Variants in ARIH1 observed in about 807,000 individuals in gnomAD.
The protein encoded by ARIH1 is ariadne RBR E3 ubiquitin protein ligase 1, also known as E3 ubiquitin-protein ligase ARIH1.
In ARIH1, 8 loss-of-function variants were observed where a neutral mutation model predicts 85.0. The ratio of observed to expected loss-of-function variants is 0.09; its 90% CI spans 0.06 to 0.17. The LOEUF (loss-of-function observed/expected upper bound fraction) is 0.17. ARIH1 is among the 10% of genes least tolerant of loss of function. The pLI, the probability that ARIH1 is intolerant of heterozygous loss-of-function variation, is 1.00. For missense variants in ARIH1, 311 were observed against 718.1 expected, an observed-to-expected ratio of 0.43 and a Z score of 6.48; for synonymous variants, 238 against 253.6, an observed-to-expected ratio of 0.94 and a Z score of 0.59.
intron 7 of ARIH1, among the ~76,000 whole-genome samples, chr15:72,563,780 A>C (rs981308051): frequency 6.6e-6 from 1 of 152,156 alleles, no homozygotes; most frequent in South Asian, 2.1e-4. Flanking sequence ...ACTGTAACTT[A>C]ATGGGAGCAA....
Position 72,474,894 on chromosome 15 carries a change from C to CGGTGGTGGT in ARIH1, c.258_266dup (p.Gly88_Gly90dup). On this transcript the variant is annotated inframe_insertion, in exon 1 of 14. Coordinates refer to ENST00000379887, the MANE Select transcript of ARIH1 (RefSeq NM_005744.5). ...GCGGTGGCGGCGGCGGCGGCGGCGGCGGTGGTGGTGGCGGGCCGGGGCATG... is the reference window on the plus strand; with the variant it reads ...GCGGTGGCGGCGGCGGCGGCGGCGGCGGTGGTGGTGGTGGTGGTGGCGGGCCGGGGCATG... 4.3e-6 allele frequency: 6 copies of CGGTGGTGGT among 1,397,950 alleles called. No individual in the cohort carries two copies. Among genetic ancestry groups the CGGTGGTGGT allele is most frequent in the Non-Finnish European group, 5.6e-6 (6 of 1,068,640 alleles). The allele number at this position is 1,397,950 out of a possible 1,614,324, so 86.6% of individuals were successfully genotyped here.
chr15:72,518,012 A>T, intron 1 of ARIH1, 55 bp from the exon 2 acceptor site: 1 of 1,357,884 alleles, frequency 7.4e-7, no homozygotes, highest in Non-Finnish European at 1.0e-6. Flanking sequence ...GAGTTCACTA[A>T]ATGTCCATGA....
At chr15:72,572,403 A>G (rs1021805427) in intron 11 of ARIH1, 1 of 316,078 alleles carries the variant, frequency 3.2e-6, no homozygotes, top group Non-Finnish European at 5.8e-6. Flanking sequence ...ACACCCTGCT[A>G]ATTTTTGTAT....
rs149530145 is a variant in ARIH1 at position 72,531,973 on chromosome 15, A to G, written c.444-12847A>G. Among the ~76,000 whole-genome samples, 34 of 152,332 alleles carry G rather than the reference A, an allele frequency of 2.2e-4. No homozygotes were observed. The East Asian group carries it at 6.2e-3, about 28-fold the overall frequency. ...AGGGAAAAATCTTGCAGAATGTTGT[A>G]CTTTGGAATTTATAACCTTAAATGC... On this transcript the variant is annotated intron_variant, in intron 2 of 13. Coordinates refer to ENST00000379887, the MANE Select transcript of ARIH1 (RefSeq NM_005744.5).
chr15:72,475,027 G>A lies in ARIH1; in HGVS notation c.375+13G>A, dbSNP rs12903051. 1.8e-5 allele frequency: 28 copies of A among 1,550,212 alleles called. No homozygotes were observed. Among genetic ancestry groups the A allele is most frequent in the Non-Finnish European group, 2.3e-5 (26 of 1,146,420 alleles). ...CGAGGTCATCCAGGTGAGGGTGGCC[G>A]CCGCGCCAGCTGGACCGGGCCCGAC... On this transcript the variant is annotated intron_variant, in intron 1 of 13. Coordinates refer to ENST00000379887, the MANE Select transcript of ARIH1 (RefSeq NM_005744.5).
At chr15:72,482,643 C>G (rs1348370915) in intron 1 of ARIH1, among the ~76,000 whole-genome samples, 2 of 152,024 alleles carry the variant, frequency 1.3e-5, no homozygotes, top group Admixed American at 6.6e-5. Flanking sequence ...TGGGGTTGAC[C>G]TGTGGTAACT....
At chr15:72,510,302 G>A (rs547695297) in intron 1 of ARIH1, among the ~76,000 whole-genome samples, 2 of 152,148 alleles carry the variant, frequency 1.3e-5, no homozygotes, top group African/African-American at 4.8e-5. Context: ...GGATTTCAGT[G>A]TATCCGTTTT....
intron 3 of ARIH1, among the ~76,000 whole-genome samples, chr15:72,550,682 A>T (rs2013791): frequency 0.87 from 132,523 of 151,468 alleles, 60,599 homozygotes; most frequent in East Asian, 1. Flanking sequence ...ATATATATAT[A>T]TTTTAATGAG....
At chr15:72,483,522 C>T (rs1283133682) in intron 1 of ARIH1, among the ~76,000 whole-genome samples, 1 of 152,142 alleles carries the variant, frequency 6.6e-6, no homozygotes, top group Non-Finnish European at 1.5e-5. Context: ...TCTTTGGGGG[C>T]TATCTTAGAG....
Position 72,594,798 on chromosome 15 carries a change from TA to T in ARIH1, c.*11507del, listed in dbSNP as rs2064356444. ...ATGTTTTTACTTCTTTTTCTGATTT[TA>T]TGCCTTTTCTTCTTTTTTTTTTTTT... On this transcript the variant is annotated 3_prime_UTR_variant, in exon 14 of 14. Transcript: ENST00000379887. The T allele has an allele frequency of 4.0e-5, 6 of 148,462 alleles. No homozygotes were observed. Among genetic ancestry groups the T allele is most frequent in the African/African-American group, 1.0e-4 (4 of 38,972 alleles). The allele number at this position is 148,462 out of a possible 1,614,324, so 9.2% of individuals were successfully genotyped here. A position where few individuals can be genotyped will look rare whatever the true frequency, so the allele number is the denominator to read the frequency against.
intron 1 of ARIH1, among the ~76,000 whole-genome samples, chr15:72,497,013 A>T (rs2063882773): frequency 6.6e-6 from 1 of 152,250 alleles, no homozygotes; most frequent in South Asian, 2.1e-4. Flanking sequence ...GACAAATGTG[A>T]TGTACTTGTA....
At chr15:72,511,537 TC>T (rs1230120188) in intron 1 of ARIH1, among the ~76,000 whole-genome samples, 1 of 152,050 alleles carries the variant, frequency 6.6e-6, no homozygotes, top group Non-Finnish European at 1.5e-5. Flanking sequence ...ACTCCTCACC[TC>T]AGGTGATCCA....
rs1428422297 is a variant in ARIH1, at chr15:72,588,440, T to C, written c.*5148T>C. Reference sequence around the variant, plus strand: ...TATGGAGATTATGATTTAATTGCTTTGGGTAGGCATCAGTAATTTTTGTAA... The same window carrying C: ...TATGGAGATTATGATTTAATTGCTTCGGGTAGGCATCAGTAATTTTTGTAA... On this transcript the variant is annotated 3_prime_UTR_variant, in exon 14 of 14. Coordinates refer to ENST00000379887, the MANE Select transcript of ARIH1 (RefSeq NM_005744.5). 1 of 152,218 alleles carries C rather than the reference T, an allele frequency of 6.6e-6. No homozygotes were observed. Among genetic ancestry groups the C allele is most frequent in the Non-Finnish European group, 1.5e-5 (1 of 68,036 alleles). 9.4% of individuals were successfully genotyped at this position (152,218 alleles called of 1,614,324 possible). A position where few individuals can be genotyped will look rare whatever the true frequency, so the allele number is the denominator to read the frequency against.
chr15:72,601,889 T>G lies in ARIH1; in HGVS notation c.*18597T>G, dbSNP rs894368102. 6.6e-6 allele frequency: 1 copy of G among 152,248 alleles called. No individual in the cohort carries two copies. The highest frequency in any genetic ancestry group is 1.9e-4 in the East Asian group (1 of 5,204). The allele number at this position is 152,248 out of a possible 1,614,324, so 9.4% of individuals were successfully genotyped here. The stretch of plus-strand genomic sequence containing the variant: ...ATTTTGAATATCCTTCCAGAAATAT[T>G]TTCTAAGTATACAAGCAATTATGTA... On this transcript the variant is annotated 3_prime_UTR_variant, in exon 14 of 14. Transcript: ENST00000379887.
intron 1 of ARIH1, among the ~76,000 whole-genome samples, chr15:72,479,963 G>A (rs946158259): frequency 4.6e-5 from 7 of 151,932 alleles, no homozygotes; most frequent in Non-Finnish European, 7.4e-5. Context: ...CGCCTCCTGG[G>A]TTCACGCCAT....
At chr15:72,562,850 G>A (rs2064202944) in intron 6 of ARIH1, among the ~76,000 whole-genome samples, 2 of 150,128 alleles carry the variant, frequency 1.3e-5, no homozygotes, top group East Asian at 2.0e-4. Flanking sequence ...AACAAGAGGT[G>A]ATTCATGTAT....
chr15:72,542,050 A>G (rs1239409315), intron 2 of ARIH1, among the ~76,000 whole-genome samples: 2 of 152,214 alleles, frequency 1.3e-5, no homozygotes, highest in Non-Finnish European at 2.9e-5. Context: ...AGATGAAACA[A>G]CCCTTCAATA....
intron 2 of ARIH1, among the ~76,000 whole-genome samples, chr15:72,525,904 G>A (rs570892474): frequency 6.6e-6 from 1 of 151,882 alleles, no homozygotes; most frequent in Non-Finnish European, 1.5e-5. Flanking sequence ...GCCCCACAAA[G>A]TGCTGGGATT....
chr15:72,546,421 T>C (rs933742992), intron 3 of ARIH1, among the ~76,000 whole-genome samples: 3 of 152,238 alleles, frequency 2.0e-5, no homozygotes, highest in Non-Finnish European at 2.9e-5. Context: ...TCTCAAGTTC[T>C]GATCGTAACT....
Sources: gnomAD v4.1 joint callset for allele counts (sites outside exome capture counted in the v4.1 genomes callset) on GRCh38, gnomAD v4.1.1 for gene constraint, MANE v1.5 for transcripts, NCBI Gene and HGNC (gene_info 2026-07-23, HGNC 2026-07-21) for gene names.